Variants in TJP1 observed in about 807,000 individuals in gnomAD.
TJP1 encodes tight junction protein ZO-1.
A neutral mutation model predicts 194.2 loss-of-function variants in TJP1; 43 were observed. The ratio of observed to expected loss-of-function variants is 0.22; its 90% CI spans 0.17 to 0.29. The LOEUF (loss-of-function observed/expected upper bound fraction) is 0.29. Ranked by LOEUF, TJP1 falls within the 10% of genes least tolerant of loss-of-function variation. The pLI is 1.00. For synonymous variants in TJP1, 801 were observed against 779.0 expected (o/e 1.03, Z -0.47); for missense variants, 1,971 against 2,185.7 (o/e 0.90, Z 1.96).
At chr15:29,841,659 C>A (rs922294476) in intron 2 of TJP1, among the ~76,000 whole-genome samples, 1 of 152,222 alleles carries the variant, frequency 6.6e-6, no homozygotes, top group Middle Eastern at 3.4e-3. Context: ...TTAATAAATT[C>A]TCAAGATTTT....
chr15:29,957,763 A>G (rs2056002228), intron 1 of TJP1, among the ~76,000 whole-genome samples: 1 of 152,232 alleles, frequency 6.6e-6, no homozygotes. Flanking sequence ...TTTAGTTAGG[A>G]AAGATTGCTC....
intron 1 of TJP1, among the ~76,000 whole-genome samples, chr15:29,956,956 A>C (rs11638069): frequency 0.18 from 26,799 of 152,142 alleles, 2,640 homozygotes; most frequent in South Asian, 0.26. Context: ...CATTAATATT[A>C]GACTGAAGTT....
intron 19 of TJP1, 131 bp downstream of exon 19, chr15:29,720,218 CCTTGGTACT>C: frequency 1.8e-6 from 2 of 1,104,398 alleles, no homozygotes; most frequent in South Asian, 3.3e-5. Flanking sequence ...AGAATTAAGC[CCTTGGTACT>C]CTCAAATTGA....
At chr15:29,714,820 C>T (rs1279656036) in intron 23 of TJP1, among the ~76,000 whole-genome samples, 1 of 152,148 alleles carries the variant, frequency 6.6e-6, no homozygotes, top group Non-Finnish European at 1.5e-5. Context: ...GGATTACAGG[C>T]ACGAGCCACT....
chr15:29,793,996 T>C (rs1183193539), intron 2 of TJP1, among the ~76,000 whole-genome samples: 1 of 152,206 alleles, frequency 6.6e-6, no homozygotes, highest in East Asian at 1.9e-4. Flanking sequence ...TACTGGCCCT[T>C]TGGAATGAAT....
At chr15:29,936,795 C>T (rs921619278) in intron 2 of TJP1, among the ~76,000 whole-genome samples, 16 of 152,282 alleles carry the variant, frequency 1.1e-4, no homozygotes, top group African/African-American at 3.9e-4. Flanking sequence ...TGCTTACAGA[C>T]CGCTCTACTG....
chr15:29,796,399 T>C (rs375732829), intron 2 of TJP1, among the ~76,000 whole-genome samples: 103 of 63,470 alleles, frequency 1.6e-3, no homozygotes, highest in African/African-American at 4.1e-3. Context: ...CAATCAAATA[T>C]TGAAATGAAA....
exon 2 of TJP1, chr15:29,956,335 C>A: frequency 7.8e-7 from 1 of 1,288,684 alleles, no homozygotes; most frequent in South Asian, 1.2e-5. Flanking sequence ...AGAAGTAGCA[C>A]CATTAGGATT....
At chr15:29,883,609 A>G (rs936624645) in intron 2 of TJP1, among the ~76,000 whole-genome samples, 1 of 152,128 alleles carries the variant, frequency 6.6e-6, no homozygotes, top group African/African-American at 2.4e-5. Flanking sequence ...TCTCAGGATG[A>G]TTTAGTCTAT....
At chr15:29,911,236 T>G (rs1567188524) in intron 2 of TJP1, among the ~76,000 whole-genome samples, 1 of 152,146 alleles carries the variant, frequency 6.6e-6, no homozygotes, top group Non-Finnish European at 1.5e-5. Context: ...CCAGATCTGC[T>G]CAGTCTCAGA....
intron 2 of TJP1, among the ~76,000 whole-genome samples, chr15:29,850,706 G>T (rs2051609293): frequency 6.6e-6 from 1 of 152,058 alleles, no homozygotes; most frequent in Admixed American, 6.5e-5. Context: ...AATAGGCTGG[G>T]CACAGTGGCT....
intron 10 of TJP1, 80 bp downstream of exon 10, chr15:29,741,251 T>C (rs1595714131): frequency 9.7e-7 from 1 of 1,032,850 alleles, no homozygotes; most frequent in African/African-American, 1.6e-5. Context: ...ATATATGCAA[T>C]ATGGTTTACA....
intron 8 of TJP1, among the ~76,000 whole-genome samples, chr15:29,751,931 C>T (rs1199644556): frequency 6.6e-6 from 1 of 151,816 alleles, no homozygotes; most frequent in African/African-American, 2.4e-5. Flanking sequence ...TATTTTTGTA[C>T]TACTTATTTT....
intron 2 of TJP1, among the ~76,000 whole-genome samples, chr15:29,880,598 G>T (rs1608168): frequency 0.068 from 10,377 of 152,140 alleles, 395 homozygotes; most frequent in South Asian, 0.11. Flanking sequence ...AATTCCCCAT[G>T]TTCCCTACCC....
At chr15:29,833,424 C>T (rs1020054430) in intron 2 of TJP1, among the ~76,000 whole-genome samples, 2 of 152,034 alleles carry the variant, frequency 1.3e-5, no homozygotes, top group Non-Finnish European at 2.9e-5. Context: ...GAGACAGTCT[C>T]GCTCTGTCAC....
rs117850690 is a variant in TJP1 at position 29,840,463 on chromosome 15, T to C, written c.307-39761A>G. Among the ~76,000 whole-genome samples the C allele has an allele frequency of 3.9e-3, 587 of 152,278 alleles. 15 individuals carry two copies. In the East Asian group the frequency reaches 0.077, roughly 20 times the overall value. ...AAGAGGGAAGAAATGTAGGTGAGGA[T>C]AGACGAAGGGGCGATAAGAAAGGGT... On this transcript the variant is annotated intron_variant, in intron 2 of 28. Transcript: ENST00000356107.
chr15:29,835,801 CTT>C (rs2051005571), intron 2 of TJP1, among the ~76,000 whole-genome samples: 1 of 152,098 alleles, frequency 6.6e-6, no homozygotes, highest in Non-Finnish European at 1.5e-5. Flanking sequence ...GACTGGAAAA[CTT>C]AGCAACATTT....
At chr15:29,853,535 T>A (rs1439124738) in intron 2 of TJP1, among the ~76,000 whole-genome samples, 1 of 152,204 alleles carries the variant, frequency 6.6e-6, no homozygotes, top group Admixed American at 6.5e-5. Context: ...ACAATTCTCA[T>A]AACTGCATGT....
At chr15:29,806,275 G>A (rs1595962637) in intron 1 of TJP1, among the ~76,000 whole-genome samples, 1 of 152,234 alleles carries the variant, frequency 6.6e-6, no homozygotes, top group Middle Eastern at 3.4e-3. Flanking sequence ...GACAACCAAA[G>A]GAATTTGAGA....
Sources: gnomAD v4.1 joint callset for allele counts (sites outside exome capture counted in the v4.1 genomes callset) on GRCh38, gnomAD v4.1.1 for gene constraint, MANE v1.5 for transcripts, NCBI Gene and HGNC (gene_info 2026-07-23, HGNC 2026-07-21) for gene names.